Variants in PDCD1LG2 observed in about 807,000 individuals in gnomAD.
PDCD1LG2 encodes programmed cell death 1 ligand 2.
In PDCD1LG2, 32 loss-of-function variants were observed where a neutral mutation model predicts 28.2. The ratio of observed to expected loss-of-function variants is 1.13; its 90% CI spans 0.86 to 1.52. PDCD1LG2 has a LOEUF of 1.52. Among genes scored for constraint, PDCD1LG2 ranks in the 40% most tolerant of loss-of-function variants. The pLI, the probability that PDCD1LG2 is intolerant of heterozygous loss-of-function variation, is 0.00. For synonymous variants in PDCD1LG2, 116 were observed against 120.2 expected, an observed-to-expected ratio of 0.97 and a Z score of 0.23; for missense variants, 385 against 323.8, an observed-to-expected ratio of 1.19 and a Z score of -1.45.
intron 6 of PDCD1LG2, among the ~76,000 whole-genome samples, chr9:5,564,134 T>C (rs1816619469): frequency 6.6e-6 from 1 of 152,246 alleles, no homozygotes; most frequent in Non-Finnish European, 1.5e-5. Flanking sequence ...TGAGCCTTTA[T>C]AAACAGAAGT....
chr9:5,524,448 G>A (rs551428730), intron 2 of PDCD1LG2, among the ~76,000 whole-genome samples: 17 of 152,274 alleles, frequency 1.1e-4, no homozygotes, highest in East Asian at 3.9e-4. Context: ...AAAATGTAGC[G>A]CTTTCTCATT....
chr9:5,527,843 T>C (rs911382901), intron 2 of PDCD1LG2, among the ~76,000 whole-genome samples: 1 of 152,136 alleles, frequency 6.6e-6, no homozygotes, highest in African/African-American at 2.4e-5. Flanking sequence ...TTTTCTTTTT[T>C]TTTGAGACAG....
chr9:5,534,831 A>C lies in PDCD1LG2; in HGVS notation c.142A>C (p.Ser48Arg). ...VTLECNFDTG[S>R]HVNLGAITAS... The stretch of plus-strand genomic sequence containing the variant: ...CCTGGAATGCAACTTTGACACTGGA[A>C]GTCATGTGAACCTTGGAGCAATAAC... The change falls in exon 3 of 7, where the codon AGT (serine) becomes CGT (arginine). Residue 48 changes from serine to arginine, a missense_variant. By Grantham distance (110) the Ser-to-Arg change is moderately radical. Transcript: ENST00000397747. 6.2e-7 allele frequency: 1 copy of C among 1,614,192 alleles called. No individual in the cohort carries two copies. The highest frequency in any genetic ancestry group is 8.5e-7 in the Non-Finnish European group (1 of 1,180,012).
At chr9:5,540,176 CTT>C (rs1015073705) in intron 3 of PDCD1LG2, among the ~76,000 whole-genome samples, 2 of 152,172 alleles carry the variant, frequency 1.3e-5, no homozygotes, top group Non-Finnish European at 2.9e-5. Flanking sequence ...TTTAAAAACT[CTT>C]TGAACTGAAC....
chr9:5,545,219 G>A (rs183046875), intron 3 of PDCD1LG2, among the ~76,000 whole-genome samples: 127 of 152,310 alleles, frequency 8.3e-4, no homozygotes, highest in African/African-American at 2.9e-3. Flanking sequence ...AGAAAACTGA[G>A]GGTTTAAGAG....
intron 1 of PDCD1LG2, among the ~76,000 whole-genome samples, chr9:5,518,406 G>T (rs1820208621): frequency 6.6e-6 from 1 of 152,254 alleles, no homozygotes; most frequent in Admixed American, 6.5e-5. Flanking sequence ...CCAGTGGCAG[G>T]TGATCCAAGA....
chr9:5,565,981 A>G (rs1816658026), intron 6 of PDCD1LG2, among the ~76,000 whole-genome samples: 1 of 152,196 alleles, frequency 6.6e-6, no homozygotes, highest in African/African-American at 2.4e-5. Flanking sequence ...AGAAATTGCC[A>G]TGGTTAAGAT....
intron 3 of PDCD1LG2, among the ~76,000 whole-genome samples, chr9:5,536,032 G>T (rs1820574186): frequency 6.6e-6 from 1 of 152,158 alleles, no homozygotes; most frequent in African/African-American, 2.4e-5. Context: ...GGTCTGTACT[G>T]TCTTCTAGAG....
intron 6 of PDCD1LG2, among the ~76,000 whole-genome samples, chr9:5,565,170 C>A (rs960226201): frequency 2.9e-4 from 44 of 152,068 alleles, no homozygotes; most frequent in African/African-American, 1.0e-3. Context: ...CTACACTCTG[C>A]TTTTTTAAAA....
chr9:5,546,904 A>C (rs1355070482), intron 3 of PDCD1LG2, among the ~76,000 whole-genome samples: 1 of 152,170 alleles, frequency 6.6e-6, no homozygotes, highest in African/African-American at 2.4e-5. Context: ...GGGAGAGCCA[A>C]AGTGCACGCA....
intron 3 of PDCD1LG2, among the ~76,000 whole-genome samples, chr9:5,541,669 G>T (rs2129832880): frequency 6.6e-6 from 1 of 152,250 alleles, no homozygotes; most frequent in East Asian, 1.9e-4. Context: ...AGAAATCACA[G>T]ATGACACAAA....
chr9:5,543,422 G>C (rs1017223020), intron 3 of PDCD1LG2, among the ~76,000 whole-genome samples: 13 of 151,754 alleles, frequency 8.6e-5, no homozygotes, highest in Admixed American at 6.6e-5. Flanking sequence ...ACCTGCAGTC[G>C]CAGCTACTCG....
At chr9:5,545,041 T>C (rs775785042) in intron 3 of PDCD1LG2, among the ~76,000 whole-genome samples, 1 of 152,342 alleles carries the variant, frequency 6.6e-6, no homozygotes, top group South Asian at 2.1e-4. Context: ...CATGTTTTAC[T>C]TAGGGTTGAA....
intron 5 of PDCD1LG2, among the ~76,000 whole-genome samples, chr9:5,557,995 T>C (rs1201199524): frequency 6.6e-6 from 1 of 152,202 alleles, no homozygotes; most frequent in Non-Finnish European, 1.5e-5. Context: ...CTGAAAGAGT[T>C]TGTCTTATTC....
At chr9:5,550,787 G>C (rs753629915) in intron 4 of PDCD1LG2, among the ~76,000 whole-genome samples, 67 of 151,808 alleles carry the variant, frequency 4.4e-4, no homozygotes, top group Non-Finnish European at 8.8e-5. Flanking sequence ...CCTGCCTCCC[G>C]GGTTCAAGCT....
intron 2 of PDCD1LG2, among the ~76,000 whole-genome samples, chr9:5,531,313 C>G (rs972324071): frequency 6.6e-6 from 1 of 152,208 alleles, no homozygotes; most frequent in South Asian, 2.1e-4. Flanking sequence ...TTTCAAAAAT[C>G]TATTGCATTG....
chr9:5,538,580 G>C (rs531648477), intron 3 of PDCD1LG2, among the ~76,000 whole-genome samples: 6 of 152,010 alleles, frequency 3.9e-5, no homozygotes, highest in Non-Finnish European at 5.9e-5. Flanking sequence ...CCCAGCTACT[G>C]GGGAGGCTGA....
At chr9:5,563,783 G>A (rs2129950128) in intron 6 of PDCD1LG2, among the ~76,000 whole-genome samples, 1 of 152,346 alleles carries the variant, frequency 6.6e-6, no homozygotes, top group East Asian at 1.9e-4. Context: ...GGGCAGGCCA[G>A]CAGTCTGGAA....
In PDCD1LG2 at chr9:5,561,290, T is replaced by C. The variant is rs1238200181; in HGVS notation, c.767-1872T>C. 5.9e-5 allele frequency among the ~76,000 whole-genome samples: 9 copies of C among 152,356 alleles called. No individual in the cohort carries two copies. In the South Asian group the frequency reaches 1.7e-3, roughly 28 times the overall value. ...GTACAGATATACAACATTTCCATCA[T>C]TGCAGAAAGTTCTACTGAAAACCAC... On this transcript the variant is annotated intron_variant, in intron 5 of 6. Transcript: ENST00000397747.
Sources: allele counts gnomAD v4.1 joint callset (sites outside exome capture counted in the v4.1 genomes callset), GRCh38; gene constraint gnomAD v4.1.1; transcripts MANE v1.5; gene names NCBI Gene and HGNC (gene_info 2026-07-23, HGNC 2026-07-21).